ZFHX3: variants seen among roughly 807,000 people sequenced by gnomAD.
The protein encoded by ZFHX3 is zinc finger homeobox protein 3.
A neutral mutation model predicts 279.1 loss-of-function variants in ZFHX3; 42 were observed. That is an observed-to-expected ratio of 0.15 (90% CI 0.12 to 0.19). The LOEUF is 0.19. Among genes scored for constraint, ZFHX3 ranks in the 10% least tolerant of loss-of-function variants. The probability of loss-of-function intolerance (pLI) is 1.00; values close to 1 mark genes in which losing one functional copy is unlikely to be tolerated. For missense variants in ZFHX3, 4,981 were observed against 4,754.0 expected, an observed-to-expected ratio of 1.05 and a Z score of -1.40; for synonymous variants, 2,293 against 1,957.8, an observed-to-expected ratio of 1.17 and a Z score of -4.52.
chr16:72,999,003 G>T (rs762835476), intron 1 of ZFHX3, among the ~76,000 whole-genome samples: 21 of 152,284 alleles, frequency 1.4e-4, no homozygotes, highest in Middle Eastern at 3.4e-3. Context: ...CTCTGTAGTA[G>T]CCACATAAAC....
intron 2 of ZFHX3, 110 bp from the exon 3 acceptor site, chr16:72,951,075 G>A: frequency 6.8e-7 from 1 of 1,463,192 alleles, no homozygotes; most frequent in East Asian, 2.3e-5. Flanking sequence ...AAAAGGAGAA[G>A]ATGACATTTC....
chr16:73,679,127 TA>T (rs201031875), intron 2 of ZFHX3, among the ~76,000 whole-genome samples: 4 of 111,806 alleles, frequency 3.6e-5, no homozygotes, highest in Non-Finnish European at 5.9e-5. Context: ...CAGAGGGGCT[TA>T]TTTTTTTTTT....
intron 1 of ZFHX3, among the ~76,000 whole-genome samples, chr16:73,856,441 G>T (rs1007732833): frequency 3.3e-5 from 5 of 152,040 alleles, no homozygotes; most frequent in Non-Finnish European, 7.4e-5. Flanking sequence ...CCCTTGGCAA[G>T]GGGGAAAAAA....
intron 1 of ZFHX3, among the ~76,000 whole-genome samples, chr16:73,798,837 G>C (rs1372805684): frequency 1.3e-5 from 2 of 152,144 alleles, no homozygotes; most frequent in African/African-American, 4.8e-5. Flanking sequence ...GTTTGGAGGG[G>C]GATGAGCTTG....
chr16:73,003,301 G>A (rs1489897461), intron 1 of ZFHX3, among the ~76,000 whole-genome samples: 12 of 147,366 alleles, frequency 8.1e-5, no homozygotes, highest in Non-Finnish European at 1.8e-4. Context: ...GGTATTAGAC[G>A]TAAGATAATT....
chr16:72,832,565 A>G (rs2096894020), intron 4 of ZFHX3, among the ~76,000 whole-genome samples: 1 of 152,204 alleles, frequency 6.6e-6, no homozygotes. Flanking sequence ...TGATTCATTC[A>G]CTAAAAGGCT....
At chr16:73,632,438 T>C (rs926675222) in intron 2 of ZFHX3, among the ~76,000 whole-genome samples, 1 of 151,982 alleles carries the variant, frequency 6.6e-6, no homozygotes, top group African/African-American at 2.4e-5. Context: ...ATCCCAGCAC[T>C]TTGGGAGGCT....
intron 1 of ZFHX3, among the ~76,000 whole-genome samples, chr16:73,057,302 T>C (rs1256827741): frequency 6.6e-6 from 1 of 152,186 alleles, no homozygotes; most frequent in Non-Finnish European, 1.5e-5. Context: ...AAGTGATATA[T>C]ACATATTTTA....
chr16:73,777,531 A>AAAAAC (rs1379180164), intron 1 of ZFHX3, among the ~76,000 whole-genome samples: 1 of 150,104 alleles, frequency 6.7e-6, no homozygotes, highest in Non-Finnish European at 1.5e-5. Context: ...AAAAAAAAAA[A>AAAAAC]AGCTTAGTTA....
chr16:73,387,421 G>A (rs984862726), intron 3 of ZFHX3, among the ~76,000 whole-genome samples: 30 of 152,132 alleles, frequency 2.0e-4, no homozygotes, highest in Non-Finnish European at 4.4e-5. Context: ...GAAACAAGGG[G>A]TCATGTTGAA....
At chr16:72,974,343 G>C (rs1230542649) in intron 1 of ZFHX3, among the ~76,000 whole-genome samples, 1 of 152,212 alleles carries the variant, frequency 6.6e-6, no homozygotes, top group Non-Finnish European at 1.5e-5. Flanking sequence ...CAGGACAATG[G>C]GGAAAACCTG....
chr16:73,850,343 G>C (rs923475684), intron 1 of ZFHX3, among the ~76,000 whole-genome samples: 6 of 152,180 alleles, frequency 3.9e-5, no homozygotes, highest in Non-Finnish European at 8.8e-5. Context: ...GCTGGGAACA[G>C]AGAAAATACT....
chr16:73,665,859 C>T (rs1174134024), intron 2 of ZFHX3, among the ~76,000 whole-genome samples: 3 of 134,966 alleles, frequency 2.2e-5, no homozygotes, highest in Non-Finnish European at 4.6e-5. Flanking sequence ...CTCTGTCACC[C>T]AGGTGGAGTC....
chr16:73,193,782 C>T (rs1968089976), intron 5 of ZFHX3, among the ~76,000 whole-genome samples: 1 of 152,224 alleles, frequency 6.6e-6, no homozygotes, highest in Non-Finnish European at 1.5e-5. Context: ...GGGAAGCCGC[C>T]TGCCTCTCTG....
At chr16:73,120,765 C>T (rs942589299) in intron 7 of ZFHX3, among the ~76,000 whole-genome samples, 8 of 150,716 alleles carry the variant, frequency 5.3e-5, no homozygotes, top group African/African-American at 2.0e-4. Flanking sequence ...AGTGATTCTC[C>T]TACCTCAACC....
At chr16:73,432,874 C>T (rs1445638820) in intron 3 of ZFHX3, among the ~76,000 whole-genome samples, 1 of 152,186 alleles carries the variant, frequency 6.6e-6, no homozygotes, top group African/African-American at 2.4e-5. Context: ...CCCCTGCCTC[C>T]CCACAGCTGA....
intron 1 of ZFHX3, among the ~76,000 whole-genome samples, chr16:73,017,699 T>A (rs781730550): frequency 6.6e-6 from 1 of 151,956 alleles, no homozygotes; most frequent in African/African-American, 2.4e-5. Context: ...ACCCCACAGA[T>A]AGAGCTCGTC....
chr16:73,365,526 T>C (rs922647403), intron 3 of ZFHX3, among the ~76,000 whole-genome samples: 1 of 152,208 alleles, frequency 6.6e-6, no homozygotes, highest in Non-Finnish European at 1.5e-5. Context: ...AAGAAACTGC[T>C]GTTCAGTGAC....
intron 7 of ZFHX3, chr16:72,807,561 A>G (rs1488117488): frequency 6.6e-6 from 1 of 152,228 alleles, no homozygotes; most frequent in African/African-American, 2.4e-5. Context: ...AGGTATTATT[A>G]AATGAAGCCT....
Sources: allele counts gnomAD v4.1 joint callset (sites outside exome capture counted in the v4.1 genomes callset), GRCh38; gene constraint gnomAD v4.1.1; transcripts MANE v1.5; gene names NCBI Gene and HGNC (gene_info 2026-07-23, HGNC 2026-07-21).